The following MAP3K9 variants were observed in gnomAD, a reference collection of about 807,000 sequenced individuals.
The protein encoded by MAP3K9 is mitogen-activated protein kinase kinase kinase 9.
Under a neutral mutation model 95.8 loss-of-function variants are expected in MAP3K9, and 46 were observed. The ratio of observed to expected loss-of-function variants is 0.48; its 90% CI spans 0.38 to 0.61. The LOEUF is 0.61. Among genes scored for constraint, MAP3K9 ranks in the 20% least tolerant of loss-of-function variants. The pLI is 0.00. For synonymous variants in MAP3K9, 533 were observed against 593.8 expected, an observed-to-expected ratio of 0.90 and a Z score of 1.49; for missense variants, 1,296 against 1,474.3, an observed-to-expected ratio of 0.88 and a Z score of 1.98.
chr14:70,752,598 G>C (rs1566742086), intron 3 of MAP3K9, among the ~76,000 whole-genome samples: 3 of 152,162 alleles, frequency 2.0e-5, no homozygotes, highest in African/African-American at 4.8e-5. Context: ...CTAGGTCAAA[G>C]CCACTGTTAT....
chr14:70,759,211 G>T (rs2054337145), intron 3 of MAP3K9, among the ~76,000 whole-genome samples: 1 of 152,126 alleles, frequency 6.6e-6, no homozygotes, highest in African/African-American at 2.4e-5. Context: ...CCCTTAAGAG[G>T]CCGAGGTGGG....
intron 2 of MAP3K9, among the ~76,000 whole-genome samples, chr14:70,769,197 T>C (rs1439154264): frequency 6.6e-6 from 1 of 152,162 alleles, no homozygotes; most frequent in African/African-American, 2.4e-5. Context: ...CACTCCAATC[T>C]GGGCAACACA....
rs551259393 is a variant in MAP3K9, at chr14:70,794,734, G to C, written c.820+5933C>G. ...ACTCTGTCACCCAGGCTGGAGTGCA[G>C]TGATGCGATCTCGGCTCACTGCAAC... On this transcript the variant is annotated intron_variant, in intron 2 of 11. Coordinates refer to ENST00000554752, the MANE Select transcript of MAP3K9 (RefSeq NM_001284230.2). Among the ~76,000 whole-genome samples the C allele has an allele frequency of 4.0e-5, 6 of 151,262 alleles. No homozygotes were observed. The South Asian group carries it at 1.3e-3, about 32-fold the overall frequency.
intron 2 of MAP3K9, among the ~76,000 whole-genome samples, chr14:70,769,783 A>G (rs2054506234): frequency 6.6e-6 from 1 of 152,238 alleles, no homozygotes; most frequent in South Asian, 2.1e-4. Flanking sequence ...CTATTTGTCT[A>G]TGTGTCCTTA....
In MAP3K9 at chr14:70,732,864, G is replaced by C. The variant is rs2053928319; in HGVS notation, c.2505C>G (p.Leu835=). The stretch of plus-strand genomic sequence containing the variant: ...TGCACTCGGAGATGGAGGAGAGGGA[G>C]AGCAGCGTCAGGGAGGCAGAGGGGT... ...LGDPSASLTL[L]SLSSISECNS... is the part of the protein sequence containing the mutation. Residue 835 remains leucine (L), a synonymous_variant, in exon 11 of 12, where the codon CTC becomes CTG. Transcript: ENST00000554752. The C allele has an allele frequency of 1.9e-6, 3 of 1,613,948 alleles. No individual in the cohort carries two copies. The highest frequency in any genetic ancestry group is 2.5e-6 in the Non-Finnish European group (3 of 1,179,866).
At chr14:70,754,455 T>G (rs1352675445) in intron 3 of MAP3K9, among the ~76,000 whole-genome samples, 1 of 152,162 alleles carries the variant, frequency 6.6e-6, no homozygotes, top group Non-Finnish European at 1.5e-5. Flanking sequence ...ATTTTCAAAT[T>G]TTTTCTACAG....
At chr14:70,777,360 A>G (rs1318909647) in intron 2 of MAP3K9, among the ~76,000 whole-genome samples, 2 of 152,188 alleles carry the variant, frequency 1.3e-5, no homozygotes, top group Non-Finnish European at 2.9e-5. Context: ...AGGCTCATAT[A>G]TCAGAAAGGC....
chr14:70,808,808 G>A lies in MAP3K9; in HGVS notation c.364C>T (p.Gln122Ter). The A allele has an allele frequency of 6.3e-7, 1 of 1,594,248 alleles. No individual in the cohort carries two copies. The highest frequency in any genetic ancestry group is 8.5e-7 in the Non-Finnish European group (1 of 1,173,294). Reference protein sequence around the residue: ...TPRSAFSSRCQPGGEDPSCYP... With the variant: ...TPRSAFSSRC ...CAACTGGGGTCCTCGCCGCCGGGCT[G>A]GCAGCGGCTGGAGAAGGCGCTGCGC... The change falls in exon 1 of 12, where the codon CAG (glutamine) becomes TAG (stop). Residue 122 changes from glutamine to a stop codon, truncating the protein, a stop_gained. Transcript: ENST00000554752. LOFTEE classifies it high-confidence loss of function.
intron 5 of MAP3K9, among the ~76,000 whole-genome samples, chr14:70,742,911 T>TATATATATATATATATATATA (rs2054094808): frequency 5.6e-5 from 8 of 143,086 alleles, no homozygotes; most frequent in African/African-American, 2.1e-4. Context: ...TTATATATAT[T>TATATATATATATATATATATA]TATATATATA....
chr14:70,733,925 C>A, intron 10 of MAP3K9: 1 of 664,084 alleles, frequency 1.5e-6, no homozygotes, highest in East Asian at 2.7e-5. Context: ...GGTTCTTCAG[C>A]CTTTGGACTC....
rs766643750 is a variant in MAP3K9, at chr14:70,732,780, T to A, written c.2589A>T (p.Pro863=). Residue 863 remains proline (P), a synonymous_variant, in exon 11 of 12, where the codon CCA becomes CCT. Coordinates refer to ENST00000554752, the MANE Select transcript of MAP3K9 (RefSeq NM_001284230.2). ...DSDEIVVYEM[P]VSPVEAPPLS... ...GGGGAGGGGCCTCGACTGGGCTGAC[T>A]GGCATCTCATACACGACAATTTCAT... 4.3e-6 allele frequency: 7 copies of A among 1,613,668 alleles called. No homozygotes were observed. Among genetic ancestry groups the A allele is most frequent in the Non-Finnish European group, 4.2e-6 (5 of 1,179,718 alleles).
Position 70,798,639 on chromosome 14 carries a change from CG to C in MAP3K9, c.820+2027del, listed in dbSNP as rs369683171. ...GACTACAGGCACCCGCCACTACGCCCGGCTAATTTTTTGTATTTTTAGTAGA... is the reference window on the plus strand; with the variant it reads ...GACTACAGGCACCCGCCACTACGCCCGCTAATTTTTTGTATTTTTAGTAGA... On this transcript the variant is annotated intron_variant, in intron 2 of 11. Transcript: ENST00000554752. 4.2e-4 allele frequency among the ~76,000 whole-genome samples: 63 copies of C among 151,182 alleles called. 1 individual carries two copies. In the East Asian group the frequency reaches 9.1e-3, roughly 22 times the overall value.
intron 2 of MAP3K9, among the ~76,000 whole-genome samples, chr14:70,784,346 CAAGT>C (rs1159890339): frequency 6.6e-6 from 1 of 151,914 alleles, no homozygotes; most frequent in Non-Finnish European, 1.5e-5. Flanking sequence ...AACACAAACA[CAAGT>C]AAGTACAAGA....
intron 2 of MAP3K9, among the ~76,000 whole-genome samples, chr14:70,776,183 C>T (rs75952426): frequency 6.6e-6 from 1 of 151,948 alleles, no homozygotes; most frequent in Non-Finnish European, 1.5e-5. Context: ...AGCGAGACTC[C>T]GTCTCAAAAT....
Position 70,733,850 on chromosome 14 carries a change from C to T in MAP3K9, c.2027-508G>A. 4.2e-6 allele frequency: 3 copies of T among 717,120 alleles called. No homozygotes were observed. The Admixed American group carries it at 6.0e-5, about 14-fold the overall frequency. The allele number at this position is 717,120 out of a possible 1,614,324, so 44.4% of individuals were successfully genotyped here. On this transcript the variant is annotated intron_variant, in intron 10 of 11. Transcript: ENST00000554752. ...GGATGCTCAGTTTGCTGAGCTTCCTCTCTCTGTTTCTCCCTTCTGGAGAGG... is the reference window on the plus strand; with the variant it reads ...GGATGCTCAGTTTGCTGAGCTTCCTTTCTCTGTTTCTCCCTTCTGGAGAGG...
chr14:70,766,491 G>A (rs1477962453), intron 2 of MAP3K9, among the ~76,000 whole-genome samples: 5 of 152,144 alleles, frequency 3.3e-5, no homozygotes, highest in African/African-American at 1.2e-4. Flanking sequence ...CAATAACCAC[G>A]CAATACATTT....
chr14:70,771,555 T>C (rs2054531952), intron 2 of MAP3K9, among the ~76,000 whole-genome samples: 2 of 152,048 alleles, frequency 1.3e-5, no homozygotes, highest in African/African-American at 4.8e-5. Context: ...AAGCAACAGA[T>C]GGAGACCCAG....
At chr14:70,739,824 G>A in intron 7 of MAP3K9, 5 of 1,428,388 alleles carry the variant, frequency 3.5e-6, no homozygotes, top group Non-Finnish European at 4.7e-6. Context: ...TTGCTGATAT[G>A]TGACTAAAAG....
intron 5 of MAP3K9, among the ~76,000 whole-genome samples, chr14:70,742,901 T>TTTTATA (rs1555367841): frequency 2.7e-5 from 1 of 36,528 alleles, no homozygotes; most frequent in African/African-American, 1.1e-4. Flanking sequence ...TGCCTGTGAT[T>TTTTATA]TATATATATT....
Sources: gnomAD v4.1 joint callset for allele counts (sites outside exome capture counted in the v4.1 genomes callset) on GRCh38, gnomAD v4.1.1 for gene constraint, MANE v1.5 for transcripts, NCBI Gene and HGNC (gene_info 2026-07-23, HGNC 2026-07-21) for gene names.